Variants in PIK3R1 observed in about 807,000 individuals in gnomAD.
PIK3R1 encodes phosphatidylinositol 3-kinase regulatory subunit alpha.
Under a neutral mutation model 98.0 loss-of-function variants are expected in PIK3R1, and 29 were observed. The ratio of observed to expected loss-of-function variants is 0.30; its 90% CI spans 0.22 to 0.40. The LOEUF (loss-of-function observed/expected upper bound fraction) is 0.40. PIK3R1 is among the 10% of genes least tolerant of loss of function. The pLI is 1.00. For missense variants in PIK3R1, 596 were observed against 872.7 expected (o/e 0.68, Z 3.99); for synonymous variants, 282 against 311.8 (o/e 0.90, Z 1.01).
Position 68,290,606 on chromosome 5 carries a change from G to T in PIK3R1, c.917-1653G>T, listed in dbSNP as rs561679368. 1.3e-5 allele frequency: 18 copies of T among 1,352,054 alleles called. No individual in the cohort carries two copies. In the South Asian group the frequency reaches 3.2e-4, roughly 24 times the overall value. 83.8% of individuals were successfully genotyped at this position (1,352,054 alleles called of 1,614,324 possible). ...TTTTTCTGACTTGATTGGCTGGGGC[G>T]TGTGATGTAATAGGTTTCAGTGCAG... On this transcript the variant is annotated intron_variant, in intron 7 of 15. Coordinates refer to ENST00000521381, the MANE Select transcript of PIK3R1 (RefSeq NM_181523.3).
At chr5:68,216,296 G>T (rs173701) in intron 1 of PIK3R1, among the ~76,000 whole-genome samples, 1 of 152,074 alleles carries the variant, frequency 6.6e-6, no homozygotes, top group South Asian at 2.1e-4. Flanking sequence ...CGCACACTTC[G>T]GAGGGTCCCC....
At chr5:68,261,994 A>C (rs1745773614) in intron 2 of PIK3R1, among the ~76,000 whole-genome samples, 1 of 152,128 alleles carries the variant, frequency 6.6e-6, no homozygotes, top group Admixed American at 6.5e-5. Flanking sequence ...TGCAGAAAGG[A>C]GTACCCCGCA....
chr5:68,273,445 T>C lies in PIK3R1; in HGVS notation c.390T>C (p.Pro130=). The C allele has an allele frequency of 2.5e-6, 4 of 1,614,092 alleles. No individual in the cohort carries two copies. Among genetic ancestry groups the C allele is most frequent in the Non-Finnish European group, 3.4e-6 (4 of 1,179,964 alleles). ...TTGCCCCTCCTGACATTGCCCCGCC[T>C]CTTCTTATCAAGCTCGTGGAAGCCA... The part of the protein sequence containing the change: ...EQFAPPDIAP[P]LLIKLVEAIE... Residue 130 remains proline (P), a synonymous_variant, in exon 3 of 16, where the codon CCT becomes CCC. Transcript: ENST00000521381.
rs190043213 is a variant in PIK3R1, at chr5:68,237,680, G to A, written c.334+10671G>A. On this transcript the variant is annotated intron_variant, in intron 2 of 15. Transcript: ENST00000521381. ...CTGACACAGCTTCTTGAGAGTCTCC[G>A]AGAGAGCCTCTTCTCAGTACAATTC... 6.0e-4 allele frequency among the ~76,000 whole-genome samples: 90 copies of A among 151,258 alleles called. 1 individual carries two copies. The highest frequency in any genetic ancestry group is 3.9e-4 in the Admixed American group (6 of 15,210).
chr5:68,297,532 C>T lies in PIK3R1; in HGVS notation c.2106C>T (p.Ser702=), dbSNP rs1561302047. The change falls in exon 16 of 16, where the codon TCC becomes TCT. Residue 702 remains serine, a synonymous_variant. Transcript: ENST00000521381. ...KELVLHYQHT[S]LVQHNDSLNV... ...TGGTGCTACATTACCAACACACCTC[C>T]CTTGTGCAGCACAACGACTCCCTCA... 1.2e-6 allele frequency: 2 copies of T among 1,614,214 alleles called. No homozygotes were observed. Among genetic ancestry groups the T allele is most frequent in the Non-Finnish European group, 1.7e-6 (2 of 1,180,024 alleles).
At chr5:68,293,551 A>C in intron 10 of PIK3R1, 68 bp downstream of exon 10, 1 of 1,349,084 alleles carries the variant, frequency 7.4e-7, no homozygotes, top group Admixed American at 2.2e-5. Flanking sequence ...CTTAGAAAAC[A>C]TTTGAAGCAG....
intron 2 of PIK3R1, among the ~76,000 whole-genome samples, chr5:68,263,044 T>G (rs866071280): frequency 1.2e-4 from 15 of 123,792 alleles, no homozygotes; most frequent in Non-Finnish European, 8.5e-5. Flanking sequence ...TGTATACATA[T>G]ATACATGTAG....
intron 2 of PIK3R1, among the ~76,000 whole-genome samples, chr5:68,240,147 A>G (rs1394745002): frequency 6.6e-6 from 1 of 150,838 alleles, no homozygotes; most frequent in African/African-American, 2.4e-5. Context: ...TGTATATAAT[A>G]TGTATTCGTA....
chr5:68,227,572 CTAATA>C (rs1206562795), intron 2 of PIK3R1, among the ~76,000 whole-genome samples: 8 of 152,108 alleles, frequency 5.3e-5, no homozygotes, highest in African/African-American at 9.7e-5. Flanking sequence ...GAGGGTAAGT[CTAATA>C]TAAGTATATT....
chr5:68,289,686 T>C (rs972355289), intron 7 of PIK3R1, among the ~76,000 whole-genome samples: 14 of 149,040 alleles, frequency 9.4e-5, no homozygotes, highest in African/African-American at 3.2e-4. Flanking sequence ...CCAAAATTGA[T>C]TTATTTATGT....
chr5:68,246,361 G>T (rs72757668), intron 2 of PIK3R1, among the ~76,000 whole-genome samples: 2 of 146,750 alleles, frequency 1.4e-5, no homozygotes, highest in Non-Finnish European at 3.0e-5. Flanking sequence ...CGCCCAAGCC[G>T]CAGTGCAGTG....
At position 68,297,580 on chromosome 5, in the gene PIK3R1, A is replaced by G. The variant is rs1747797839; in HGVS notation, c.2154A>G (p.Val718=). The stretch of plus-strand genomic sequence containing the variant: ...TCAATGTCACACTAGCCTACCCAGT[A>G]TATGCACAGCAGAGGCGATGAAGCG... ...DSLNVTLAYP[V]YAQQRR is the part of the protein sequence containing the mutation. Residue 718 remains valine (V), a synonymous_variant, in exon 16 of 16, where the codon GTA becomes GTG. Transcript: ENST00000521381. 3.7e-6 allele frequency: 6 copies of G among 1,614,008 alleles called. No homozygotes were observed. Among genetic ancestry groups the G allele is most frequent in the African/African-American group, 1.3e-5 (1 of 74,942 alleles).
intron 8 of PIK3R1, 198 bp downstream of exon 8, chr5:68,292,559 G>T: frequency 6.6e-7 from 1 of 1,504,670 alleles, no homozygotes; most frequent in Non-Finnish European, 8.9e-7. Context: ...TAAATACCCG[G>T]GAAGTTTCAT....
chr5:68,279,802 T>C (rs1479716517), intron 5 of PIK3R1, 69 bp downstream of exon 5: 4 of 1,446,150 alleles, frequency 2.8e-6, no homozygotes, highest in South Asian at 1.2e-5. Context: ...GTATATGTCT[T>C]GCATATATAG....
intron 14 of PIK3R1, chr5:68,295,756 T>A (rs947018764): frequency 2.0e-6 from 1 of 509,864 alleles, no homozygotes; most frequent in Non-Finnish European, 3.5e-6. Flanking sequence ...AATCCCAAAA[T>A]ATTTTTGGAA....
intron 12 of PIK3R1, 151 bp from the exon 13 acceptor site, chr5:68,294,997 G>A (rs1321195373): frequency 4.6e-6 from 2 of 434,940 alleles, no homozygotes; most frequent in African/African-American, 4.4e-5. Context: ...AATATGTTGA[G>A]CCACTCCAAA....
chr5:68,289,759 CAAAAAAAA>C (rs71305021), intron 7 of PIK3R1, among the ~76,000 whole-genome samples: 10 of 51,880 alleles, frequency 1.9e-4, no homozygotes, highest in East Asian at 6.6e-4. Flanking sequence ...GGGGGAAAAG[CAAAAAAAA>C]AAAAAAAAAA....
In PIK3R1 at chr5:68,281,008, T is replaced by C; in HGVS notation, c.916+2T>C. ...GGAATGAACGACAGCCTGCACCAGG[T>C]AATGCTTTTTGAGCATTTAACATTC... On this transcript the variant is annotated splice_donor_variant, in intron 7 of 15. Transcript: ENST00000521381. LOFTEE classifies it high-confidence loss of function. 6.3e-7 allele frequency: 1 copy of C among 1,587,278 alleles called. No individual in the cohort carries two copies. The highest frequency in any genetic ancestry group is 8.6e-7 in the Non-Finnish European group (1 of 1,165,612).
chr5:68,267,110 C>T (rs1299418757), intron 2 of PIK3R1, among the ~76,000 whole-genome samples: 3 of 152,214 alleles, frequency 2.0e-5, no homozygotes, highest in African/African-American at 4.8e-5. Flanking sequence ...AAATCCCTTT[C>T]TTCCCCATTT....
Sources: gnomAD v4.1 joint callset for allele counts (sites outside exome capture counted in the v4.1 genomes callset) on GRCh38, gnomAD v4.1.1 for gene constraint, MANE v1.5 for transcripts, NCBI Gene and HGNC (gene_info 2026-07-23, HGNC 2026-07-21) for gene names.